CALD1: variants seen among roughly 807,000 people sequenced by gnomAD.
The protein encoded by CALD1 is caldesmon.
CALD1 carries 33 observed loss-of-function variants against 99.9 expected under a neutral mutation model. The ratio of observed to expected loss-of-function variants is 0.33; its 90% CI spans 0.25 to 0.44. The LOEUF (loss-of-function observed/expected upper bound fraction) is 0.44, where lower values mean the gene tolerates loss of function less well. CALD1 is among the 20% of genes least tolerant of loss of function. CALD1 has a pLI of 1.00. For missense variants in CALD1, 861 were observed against 962.1 expected (o/e 0.89, Z 1.39); for synonymous variants, 310 against 325.0 (o/e 0.95, Z 0.50).
intron 4 of CALD1, among the ~76,000 whole-genome samples, chr7:134,931,041 T>G (rs556948528): frequency 6.6e-6 from 1 of 152,338 alleles, no homozygotes; most frequent in East Asian, 1.9e-4. Context: ...GTGCTTCTCT[T>G]CGGATATTTG....
intron 3 of CALD1, among the ~76,000 whole-genome samples, chr7:134,907,566 C>A (rs570996877): frequency 6.6e-6 from 1 of 152,246 alleles, no homozygotes; most frequent in South Asian, 2.1e-4. Flanking sequence ...TGGAAGCATG[C>A]AAGTAAAATT....
chr7:134,844,855 G>A (rs1799788303), intron 2 of CALD1, among the ~76,000 whole-genome samples: 1 of 152,080 alleles, frequency 6.6e-6, no homozygotes, highest in African/African-American at 2.4e-5. Context: ...TCCTCTTCTT[G>A]TAAAAACACC....
intron 9 of CALD1, among the ~76,000 whole-genome samples, chr7:134,951,826 G>A (rs1318110526): frequency 6.6e-6 from 1 of 152,210 alleles, no homozygotes; most frequent in Non-Finnish European, 1.5e-5. Flanking sequence ...GTTTCTTTGA[G>A]AATTAACATC....
intron 1 of CALD1, among the ~76,000 whole-genome samples, chr7:134,805,194 G>A (rs1276147401): frequency 1.3e-5 from 2 of 152,156 alleles, no homozygotes; most frequent in African/African-American, 2.4e-5. Flanking sequence ...TATAATTTTG[G>A]TGATAATTTC....
In CALD1 at chr7:134,856,389, C is replaced by T. The variant is rs555952545; in HGVS notation, c.-41-11304C>T. 3.3e-5 allele frequency among the ~76,000 whole-genome samples: 5 copies of T among 152,300 alleles called. No homozygotes were observed. In the South Asian group the frequency reaches 1.0e-3, roughly 32 times the overall value. Reference sequence around the variant, plus strand: ...TAGCCAATGGGTAGCCACGCGAGGCCTGGGAAGGGTAGGTTCCCAAGCAAA... The same window carrying T: ...TAGCCAATGGGTAGCCACGCGAGGCTTGGGAAGGGTAGGTTCCCAAGCAAA... On this transcript the variant is annotated intron_variant, in intron 2 of 14. Transcript: ENST00000361675.
At chr7:134,815,899 C>T (rs17800164) in intron 1 of CALD1, among the ~76,000 whole-genome samples, 4,700 of 152,246 alleles carry the variant, frequency 0.031, 105 homozygotes, top group Non-Finnish European at 0.043. Flanking sequence ...AAACTATCCT[C>T]GAACTGGCAT....
At chr7:134,886,666 A>G (rs1412143783) in intron 3 of CALD1, among the ~76,000 whole-genome samples, 1 of 152,214 alleles carries the variant, frequency 6.6e-6, no homozygotes, top group African/African-American at 2.4e-5. Context: ...ATGACTTAAT[A>G]CCTGTGGCCC....
At chr7:134,937,474 A>G (rs1034124807) in intron 6 of CALD1, among the ~76,000 whole-genome samples, 1 of 152,102 alleles carries the variant, frequency 6.6e-6, no homozygotes, top group African/African-American at 2.4e-5. Flanking sequence ...ACCCCAATCT[A>G]TATTCCTTTT....
At chr7:134,840,902 G>A (rs1198329199) in intron 1 of CALD1, among the ~76,000 whole-genome samples, 1 of 152,046 alleles carries the variant, frequency 6.6e-6, no homozygotes, top group East Asian at 1.9e-4. Flanking sequence ...ATATTATTAT[G>A]TAATATATTA....
chr7:134,726,519 A>G, the CALD1 span, among the ~76,000 whole-genome samples: 1 of 140,238 alleles, frequency 7.1e-6, no homozygotes, highest in Non-Finnish European at 1.5e-5. Context: ...TATACAATAT[A>G]TTATATATAT....
chr7:134,857,277 T>C (rs1010329514), intron 2 of CALD1, among the ~76,000 whole-genome samples: 11 of 145,752 alleles, frequency 7.5e-5, no homozygotes, highest in Admixed American at 4.3e-4. Context: ...CACGCCATTC[T>C]CCTGCCTCAG....
intron 9 of CALD1, among the ~76,000 whole-genome samples, chr7:134,952,907 A>G (rs1223451184): frequency 6.6e-6 from 1 of 152,202 alleles, no homozygotes; most frequent in East Asian, 1.9e-4. Context: ...TACATTTAAT[A>G]TCTGATTATT....
chr7:134,877,171 C>T (rs1035589715), intron 3 of CALD1, among the ~76,000 whole-genome samples: 7 of 152,140 alleles, frequency 4.6e-5, no homozygotes, highest in East Asian at 1.9e-4. Context: ...GTAAGAAAGG[C>T]GCTCTCAGAA....
intron 3 of CALD1, among the ~76,000 whole-genome samples, chr7:134,912,883 G>A (rs1233980028): frequency 6.6e-6 from 1 of 152,142 alleles, no homozygotes; most frequent in Non-Finnish European, 1.5e-5. Context: ...AATTGTGCAT[G>A]GTTAGTGGGG....
intron 1 of CALD1, among the ~76,000 whole-genome samples, chr7:134,763,307 G>A (rs893446439): frequency 6.6e-6 from 1 of 152,190 alleles, no homozygotes; most frequent in African/African-American, 2.4e-5. Context: ...TTGAAAGAAG[G>A]CAGTGTAAAT....
At chr7:134,962,349 G>A (rs1292561253) in intron 13 of CALD1, 3 of 151,704 alleles carry the variant, frequency 2.0e-5, no homozygotes, top group African/African-American at 7.6e-5. Flanking sequence ...CATGTTCTGG[G>A]GTTATTGACA....
chr7:134,764,791 G>A (rs1796811048), intron 1 of CALD1, among the ~76,000 whole-genome samples: 1 of 152,172 alleles, frequency 6.6e-6, no homozygotes, highest in South Asian at 2.1e-4. Context: ...TGTGAAGCGG[G>A]AGAAGCACCA....
intron 2 of CALD1, among the ~76,000 whole-genome samples, chr7:134,848,263 T>G (rs1799934515): frequency 6.6e-6 from 1 of 152,098 alleles, no homozygotes. Flanking sequence ...TAACTTGGAT[T>G]TTTTCTTTCC....
At chr7:134,948,666 T>C (rs1807102125) in intron 8 of CALD1, among the ~76,000 whole-genome samples, 1 of 152,120 alleles carries the variant, frequency 6.6e-6, no homozygotes, top group Non-Finnish European at 1.5e-5. Context: ...TCTCCCATCA[T>C]TCAAAATATG....
Sources: allele counts gnomAD v4.1 joint callset (sites outside exome capture counted in the v4.1 genomes callset), GRCh38; gene constraint gnomAD v4.1.1; transcripts MANE v1.5; gene names NCBI Gene and HGNC (gene_info 2026-07-23, HGNC 2026-07-21).